Variants in ESR1 observed in about 807,000 individuals in gnomAD.
ESR1 encodes estrogen receptor.
A neutral mutation model predicts 52.7 loss-of-function variants in ESR1; 12 were observed. That is an observed-to-expected ratio of 0.23 (90% CI 0.15 to 0.37). The LOEUF is 0.37. Ranked by LOEUF, ESR1 falls within the 10% of genes least tolerant of loss-of-function variation. ESR1 has a pLI of 1.00. For synonymous variants in ESR1, 305 were observed against 316.8 expected, an observed-to-expected ratio of 0.96 and a Z score of 0.39; for missense variants, 584 against 779.7, an observed-to-expected ratio of 0.75 and a Z score of 2.99.
intron 2 of ESR1, among the ~76,000 whole-genome samples, chr6:151,765,671 G>T (rs949756584): frequency 6.6e-6 from 1 of 152,128 alleles, no homozygotes; most frequent in Non-Finnish European, 1.5e-5. Flanking sequence ...GGAGTTGCCT[G>T]GGCTTGTCAC....
chr6:151,660,969 T>C (rs934334346), intron 1 of ESR1, among the ~76,000 whole-genome samples: 1 of 152,162 alleles, frequency 6.6e-6, no homozygotes, highest in Non-Finnish European at 1.5e-5. Flanking sequence ...CAGGCATCAG[T>C]ATTTGTAAAT....
chr6:151,899,822 C>T (rs1359008764), intron 3 of ESR1, among the ~76,000 whole-genome samples: 1 of 151,550 alleles, frequency 6.6e-6, no homozygotes, highest in Non-Finnish European at 1.5e-5. Flanking sequence ...AGACGCTCCT[C>T]ACTTCCTAGA....
chr6:152,096,683 A>T (rs1272498545), intron 7 of ESR1: 1 of 456,032 alleles, frequency 2.2e-6, no homozygotes, highest in Non-Finnish European at 4.4e-6. Context: ...CCTGTGTAAC[A>T]GATGAAGGAA....
chr6:151,887,729 G>T (rs912705120), intron 3 of ESR1, among the ~76,000 whole-genome samples: 1 of 152,102 alleles, frequency 6.6e-6, no homozygotes, highest in Non-Finnish European at 1.5e-5. Context: ...AGTTCAGCTG[G>T]AGGAAGCATG....
chr6:152,100,259 T>C lies in ESR1; in HGVS notation c.*1293T>C. On this transcript the variant is annotated 3_prime_UTR_variant, in exon 8 of 8. Transcript: ENST00000206249. ...CTGTAGACAGCTGTGTTCCTACAAT[T>C]GGCCCAGCACCCTGGGGCACGGGAG... 2.5e-6 allele frequency: 1 copy of C among 395,038 alleles called. No individual in the cohort carries two copies. Among genetic ancestry groups the C allele is most frequent in the Non-Finnish European group, 4.5e-6 (1 of 224,368 alleles). The allele number at this position is 395,038 out of a possible 1,614,324, so 24.5% of individuals were successfully genotyped here.
chr6:151,783,757 C>A (rs1786766469), intron 2 of ESR1, among the ~76,000 whole-genome samples: 1 of 152,120 alleles, frequency 6.6e-6, no homozygotes, highest in South Asian at 2.1e-4. Context: ...ATGCTTTATT[C>A]CAGTTCCCTT....
chr6:151,823,941 T>C (rs1781031294), intron 1 of ESR1, among the ~76,000 whole-genome samples: 1 of 152,222 alleles, frequency 6.6e-6, no homozygotes, highest in South Asian at 2.1e-4. Context: ...TACATGTGCA[T>C]GTGTCTTTAT....
Position 151,722,700 on chromosome 6 carries a change from G to A in ESR1, c.-71+20695G>A, listed in dbSNP as rs539172933. Among the ~76,000 whole-genome samples, 9 of 152,320 alleles carry A rather than the reference G, an allele frequency of 5.9e-5. No homozygotes were observed. The South Asian group carries it at 1.0e-3, about 18-fold the overall frequency. ...GTGCATGATAATGCGATGTAAAGGC[G>A]TGTTGGGAGGCAGATGATCAGAACT... On this transcript the variant is annotated intron_variant, in intron 2 of 2. Coordinates refer to the ESR1 transcript ENST00000404742.
chr6:152,046,089 AC>A (rs1180302856), intron 5 of ESR1, among the ~76,000 whole-genome samples: 1 of 152,176 alleles, frequency 6.6e-6, no homozygotes, highest in African/African-American at 2.4e-5. Flanking sequence ...GTCTTGGGAC[AC>A]CCTTCCAGTT....
At chr6:151,943,375 A>G (rs1210705735) in intron 3 of ESR1, among the ~76,000 whole-genome samples, 1 of 149,798 alleles carries the variant, frequency 6.7e-6, no homozygotes, top group South Asian at 2.1e-4. Flanking sequence ...GCGAGACTCC[A>G]TCTTAAAAAA....
intron 2 of ESR1, among the ~76,000 whole-genome samples, chr6:151,852,876 T>G (rs990252651): frequency 1.3e-5 from 2 of 151,794 alleles, no homozygotes; most frequent in Non-Finnish European, 2.9e-5. Context: ...CAATGAAACT[T>G]TTTAAAAGAA....
chr6:151,916,855 A>G (rs1277505785), intron 3 of ESR1, among the ~76,000 whole-genome samples: 2 of 152,200 alleles, frequency 1.3e-5, no homozygotes, highest in Non-Finnish European at 2.9e-5. Context: ...GATGTCTAAT[A>G]TATTTAAGGT....
At chr6:152,076,511 A>G (rs1488244576) in intron 6 of ESR1, among the ~76,000 whole-genome samples, 1 of 152,208 alleles carries the variant, frequency 6.6e-6, no homozygotes, top group Non-Finnish European at 1.5e-5. Context: ...ATGTGGAAGC[A>G]ATCTTGGAAC....
At chr6:151,679,156 T>G (rs1381712806) in intron 1 of ESR1, among the ~76,000 whole-genome samples, 2 of 152,194 alleles carry the variant, frequency 1.3e-5, no homozygotes, top group African/African-American at 4.8e-5. Context: ...GTGGTCTTTT[T>G]CTTACCAAAG....
intron 6 of ESR1, among the ~76,000 whole-genome samples, chr6:152,116,936 A>G (rs1486473281): frequency 1.3e-5 from 2 of 152,118 alleles, no homozygotes; most frequent in Admixed American, 6.5e-5. Flanking sequence ...GTGGAGGAGG[A>G]TGGGGAAGCT....
rs116773343 is a variant in ESR1 at position 151,880,892 on chromosome 6, T to C, written c.760+121T>C. On this transcript the variant is annotated intron_variant, in intron 3 of 7. Coordinates refer to ENST00000206249, the MANE Select transcript of ESR1 (RefSeq NM_000125.4). ...TTTTTTCTTTTAATTGTTTTTTTTC[T>C]ATTCTTATTTTTCTTTGCAACAAAA... 543 of 663,502 alleles carry C rather than the reference T, an allele frequency of 8.2e-4. 3 individuals carry two copies. In the African/African-American group the frequency reaches 9.3e-3, roughly 11 times the overall value. The allele number at this position is 663,502 out of a possible 1,614,324, so 41.1% of individuals were successfully genotyped here.
rs546150943 is a variant in ESR1 at position 151,681,271 on chromosome 6, C to T, written n.74-20604C>T. ...TCTGTGCAGTAGACCATAGAAATAA[C>T]GATTGTTTCTGGGGTTGCGCTGGAG... On this transcript the variant is annotated intron_variant and non_coding_transcript_variant, in intron 1 of 2. Transcript: ENST00000473497. 1.9e-4 allele frequency among the ~76,000 whole-genome samples: 29 copies of T among 152,238 alleles called. No homozygotes were observed. The South Asian group carries it at 6.0e-3, about 32-fold the overall frequency.
At chr6:151,928,372 G>A (rs1410279256) in intron 3 of ESR1, among the ~76,000 whole-genome samples, 1 of 152,164 alleles carries the variant, frequency 6.6e-6, no homozygotes, top group Non-Finnish European at 1.5e-5. Context: ...TTACCCCGAT[G>A]ATCACATAGC....
chr6:152,126,524 T>A lies in ESR1; in HGVS notation c.*1176T>A, dbSNP rs187764034. Reference sequence around the variant, plus strand: ...TTAGATTGTGTTTATATAGGAAAAATTAAATGTGTGAGCCTCCTTAAGGAA... The same window carrying A: ...TTAGATTGTGTTTATATAGGAAAAAATAAATGTGTGAGCCTCCTTAAGGAA... On this transcript the variant is annotated 3_prime_UTR_variant, in exon 7 of 7. Transcript: ENST00000427531. The A allele has an allele frequency of 1.9e-3, 294 of 152,278 alleles. 5 individuals carry two copies. The highest frequency in any genetic ancestry group is 6.7e-3 in the African/African-American group (278 of 41,554). 9.4% of individuals were successfully genotyped at this position (152,278 alleles called of 1,614,324 possible).
Sources: allele counts gnomAD v4.1 joint callset (sites outside exome capture counted in the v4.1 genomes callset), GRCh38; gene constraint gnomAD v4.1.1; transcripts MANE v1.5; gene names NCBI Gene and HGNC (gene_info 2026-07-23, HGNC 2026-07-21).